Variants in PDE4B observed in about 807,000 individuals in gnomAD.
PDE4B encodes 3',5'-cyclic-AMP phosphodiesterase 4B.
Under a neutral mutation model 82.2 loss-of-function variants are expected in PDE4B, and 20 were observed. That is an observed-to-expected ratio of 0.24 (90% confidence interval 0.17 to 0.35). The LOEUF (loss-of-function observed/expected upper bound fraction) is 0.35. Ranked by LOEUF, PDE4B falls within the 10% of genes least tolerant of loss-of-function variation. PDE4B has a pLI of 1.00. For synonymous variants in PDE4B, 320 were observed against 318.9 expected (o/e 1.00, Z -0.04); for missense variants, 655 against 907.2 (o/e 0.72, Z 3.57).
chr1:66,363,297 C>T (rs375598805), intron 11 of PDE4B, 31 bp downstream of exon 11: 33 of 1,548,926 alleles, frequency 2.1e-5, no homozygotes, highest in Non-Finnish European at 2.6e-5. Flanking sequence ...ACTGGCTTTC[C>T]AATTGGATGG....
chr1:65,890,049 G>A (rs1646835997), intron 1 of PDE4B, among the ~76,000 whole-genome samples: 1 of 151,720 alleles, frequency 6.6e-6, no homozygotes, highest in Admixed American at 6.6e-5. Context: ...TATCCTATCT[G>A]TACCACTGAG....
Position 66,212,814 on chromosome 1 carries a change from C to A in PDE4B, c.282-34646C>A, listed in dbSNP as rs535879991. Among the ~76,000 whole-genome samples the A allele has an allele frequency of 7.2e-5, 11 of 152,300 alleles. 1 individual carries two copies. The highest frequency in any genetic ancestry group is 4.6e-4 in the Admixed American group (7 of 15,288). The stretch of plus-strand genomic sequence containing the variant: ...CCCCGACATGGCATCACAGGACAAG[C>A]ACAATAACAAGGATAAAGTGGAATA... On this transcript the variant is annotated intron_variant, in intron 3 of 16. Transcript: ENST00000341517.
chr1:66,172,789 T>C (rs1299556988), intron 3 of PDE4B, among the ~76,000 whole-genome samples: 3 of 131,946 alleles, frequency 2.3e-5, no homozygotes, highest in Non-Finnish European at 4.9e-5. Context: ...TTATGTATTA[T>C]GTATAAGTTG....
At chr1:65,966,573 A>C (rs1649844281) in intron 3 of PDE4B, among the ~76,000 whole-genome samples, 1 of 152,216 alleles carries the variant, frequency 6.6e-6, no homozygotes. Context: ...GAACCAAAAA[A>C]GAGCTCGTAT....
chr1:65,938,627 T>C (rs1269784340), intron 3 of PDE4B, among the ~76,000 whole-genome samples: 1 of 152,198 alleles, frequency 6.6e-6, no homozygotes, highest in African/African-American at 2.4e-5. Context: ...ATTAAAAAAT[T>C]ATAAAACAGT....
At chr1:65,856,086 CCTAT>C (rs1646389344) in intron 1 of PDE4B, among the ~76,000 whole-genome samples, 1 of 151,938 alleles carries the variant, frequency 6.6e-6, no homozygotes, top group African/African-American at 2.4e-5. Flanking sequence ...CCAAAATATG[CCTAT>C]CTATTGTTTT....
intron 3 of PDE4B, among the ~76,000 whole-genome samples, chr1:66,119,979 A>G (rs1645677298): frequency 6.6e-6 from 1 of 152,180 alleles, no homozygotes; most frequent in Non-Finnish European, 1.5e-5. Flanking sequence ...AGATTTTCCC[A>G]TATATCCCTC....
Position 66,081,070 on chromosome 1 carries a change from A to AT in PDE4B, c.281+162241dup, listed in dbSNP as rs202073760. Among the ~76,000 whole-genome samples the AT allele has an allele frequency of 8.7e-3, 1,329 of 152,132 alleles. 20 individuals are homozygous for AT. The highest frequency in any genetic ancestry group is 0.03 in the African/African-American group (1,243 of 41,518). ...TCCAGAACTTCTAAAACATTCTTCC[A>AT]TTTTTTGTGGTCTGACTTACTCACG... On this transcript the variant is annotated intron_variant, in intron 3 of 16. Transcript: ENST00000341517.
chr1:66,154,188 C>T (rs1159341833), intron 3 of PDE4B, among the ~76,000 whole-genome samples: 1 of 152,222 alleles, frequency 6.6e-6, no homozygotes, highest in African/African-American at 2.4e-5. Context: ...ATGTTTTATC[C>T]TCTAATTCTT....
At chr1:66,189,464 G>A (rs1647531707) in intron 3 of PDE4B, among the ~76,000 whole-genome samples, 1 of 152,134 alleles carries the variant, frequency 6.6e-6, no homozygotes, top group Non-Finnish European at 1.5e-5. Context: ...TCACTTTCAG[G>A]TACACCAATC....
chr1:65,827,995 T>G lies in PDE4B; in HGVS notation c.-71+34747T>G, dbSNP rs190932125. On this transcript the variant is annotated intron_variant, in intron 1 of 16. Transcript: ENST00000341517. ...AGCCAGAAGACACTGAAGTGACGTA[T>G]TTAAAGTGCAAAGAAAAAAATTGTC... 2.0e-4 allele frequency among the ~76,000 whole-genome samples: 31 copies of G among 152,280 alleles called. No individual in the cohort carries two copies. In the East Asian group the frequency reaches 5.8e-3, roughly 28 times the overall value.
intron 12 of PDE4B, 99 bp downstream of exon 12, chr1:66,363,670 G>A (rs758751968): frequency 9.6e-6 from 9 of 940,636 alleles, no homozygotes; most frequent in East Asian, 2.6e-5. Context: ...CTAGCTACTC[G>A]GGAGGCTGAG....
chr1:65,966,581 T>A (rs1649845420), intron 3 of PDE4B, among the ~76,000 whole-genome samples: 3 of 152,032 alleles, frequency 2.0e-5, no homozygotes, highest in Non-Finnish European at 2.9e-5. Flanking sequence ...AAAGAGCTCG[T>A]ATAGCCAAGA....
intron 7 of PDE4B, among the ~76,000 whole-genome samples, chr1:66,276,423 T>A (rs1655883802): frequency 6.6e-6 from 1 of 152,188 alleles, no homozygotes; most frequent in African/African-American, 2.4e-5. Flanking sequence ...TGTCTCTGCC[T>A]CCATCCCACT....
chr1:65,924,105 C>G (rs574166209), intron 3 of PDE4B, among the ~76,000 whole-genome samples: 8 of 3,766 alleles, frequency 2.1e-3, no homozygotes, highest in Non-Finnish European at 7.6e-3. Context: ...GACGGAGTCT[C>G]GCTCTGTCGC....
At chr1:66,225,307 A>G (rs1009339737) in intron 3 of PDE4B, among the ~76,000 whole-genome samples, 1 of 152,188 alleles carries the variant, frequency 6.6e-6, no homozygotes, top group Non-Finnish European at 1.5e-5. Flanking sequence ...CTACGCCCAA[A>G]TGGAAACTAC....
intron 7 of PDE4B, among the ~76,000 whole-genome samples, chr1:66,323,964 T>C (rs1372755213): frequency 6.6e-6 from 1 of 152,216 alleles, no homozygotes; most frequent in Non-Finnish European, 1.5e-5. Context: ...CCAATACAGG[T>C]AGATAATTAA....
At chr1:65,886,651 T>C (rs914177483) in intron 1 of PDE4B, among the ~76,000 whole-genome samples, 1 of 152,160 alleles carries the variant, frequency 6.6e-6, no homozygotes, top group Non-Finnish European at 1.5e-5. Flanking sequence ...TTTCTGTGCC[T>C]GGTATATTTC....
In PDE4B at chr1:66,257,633, T is replaced by C; in HGVS notation, c.477-14T>C. 1.9e-6 allele frequency: 3 copies of C among 1,611,942 alleles called. No homozygotes were observed. The highest frequency in any genetic ancestry group is 2.5e-6 in the Non-Finnish European group (3 of 1,178,200). ...AGTAAATTTCTAAAGGTTCTTTTTT[T>C]CTCTTTTCACCAGACACGGCGATGA... On this transcript the variant is annotated splice_polypyrimidine_tract_variant and intron_variant, in intron 4 of 16. Transcript: ENST00000341517.
Sources: allele counts gnomAD v4.1 joint callset (sites outside exome capture counted in the v4.1 genomes callset), GRCh38; gene constraint gnomAD v4.1.1; transcripts MANE v1.5; gene names NCBI Gene and HGNC (gene_info 2026-07-23, HGNC 2026-07-21).